The following NALF1 variants were observed in gnomAD, a reference collection of about 807,000 sequenced individuals.
The protein encoded by NALF1 is family with sequence similarity 155 member A.
NALF1 carries 3 observed loss-of-function variants against 48.4 expected under a neutral mutation model. The observed-to-expected ratio is 0.06, with a 90% CI of 0.03 to 0.16. NALF1 has a LOEUF of 0.16. NALF1 is among the 10% of genes least tolerant of loss of function. The pLI, the probability that NALF1 is intolerant of heterozygous loss-of-function variation, is 1.00. For missense variants in NALF1, 526 were observed against 571.5 expected, an observed-to-expected ratio of 0.92 and a Z score of 0.81; for synonymous variants, 262 against 245.7, an observed-to-expected ratio of 1.07 and a Z score of -0.62.
intron 1 of NALF1, among the ~76,000 whole-genome samples, chr13:107,417,581 C>T (rs1002795320): frequency 9.9e-5 from 15 of 152,142 alleles, no homozygotes; most frequent in Non-Finnish European, 8.8e-5. Context: ...GTAACATCTA[C>T]TGGGTGTGTA....
At chr13:107,325,847 C>CATAT (rs1882343295) in intron 1 of NALF1, among the ~76,000 whole-genome samples, 1 of 43,810 alleles carries the variant, frequency 2.3e-5, no homozygotes, top group African/African-American at 9.1e-5. Flanking sequence ...TCTCAACACA[C>CATAT]ACACACACAT....
intron 1 of NALF1, among the ~76,000 whole-genome samples, chr13:107,352,632 A>C (rs1245803351): frequency 1.3e-5 from 2 of 152,132 alleles, no homozygotes; most frequent in Non-Finnish European, 2.9e-5. Flanking sequence ...TCCCATTCAC[A>C]AGAGCTTTAC....
At position 107,514,847 on chromosome 13, in the gene NALF1, A is replaced by G. The variant is rs1164801189; in HGVS notation, c.916-304092T>C. On this transcript the variant is annotated intron_variant, in intron 1 of 2. Transcript: ENST00000375915. Reference sequence around the variant, plus strand: ...ATCATTGCATAGATGACAGGATATTATGGCAAAACAGCAGTCAAGCTAGTA... The same window carrying G: ...ATCATTGCATAGATGACAGGATATTGTGGCAAAACAGCAGTCAAGCTAGTA... 5.9e-5 allele frequency among the ~76,000 whole-genome samples: 9 copies of G among 152,170 alleles called. No individual in the cohort carries two copies. The East Asian group carries it at 1.5e-3, about 26-fold the overall frequency.
At chr13:107,622,079 G>GC (rs1224561693) in intron 1 of NALF1, among the ~76,000 whole-genome samples, 1 of 151,110 alleles carries the variant, frequency 6.6e-6, no homozygotes, top group African/African-American at 2.4e-5. Flanking sequence ...TGCAACCTCT[G>GC]CCCCCCAGTT....
intron 1 of NALF1, among the ~76,000 whole-genome samples, chr13:107,252,843 G>T (rs1421997485): frequency 1.3e-5 from 2 of 152,204 alleles, no homozygotes; most frequent in Non-Finnish European, 2.9e-5. Context: ...TGTATAAGCA[G>T]TTAAAAGCAC....
chr13:107,779,872 G>A (rs1009208865), intron 1 of NALF1, among the ~76,000 whole-genome samples: 6 of 151,998 alleles, frequency 3.9e-5, no homozygotes, highest in Admixed American at 3.9e-4. Flanking sequence ...TTCATGCTTG[G>A]AACCCTGAAC....
chr13:107,821,218 T>C (rs1163121579), intron 1 of NALF1, among the ~76,000 whole-genome samples: 2 of 152,232 alleles, frequency 1.3e-5, no homozygotes, highest in African/African-American at 2.4e-5. Context: ...AGAAAGAGAA[T>C]TGTCTACCTG....
chr13:107,786,911 C>T (rs1402931890), intron 1 of NALF1, among the ~76,000 whole-genome samples: 1 of 152,120 alleles, frequency 6.6e-6, no homozygotes, highest in African/African-American at 2.4e-5. Flanking sequence ...GCGGAGCAAA[C>T]AATGTTGGAA....
chr13:107,841,542 C>T (rs1387686697), intron 1 of NALF1, among the ~76,000 whole-genome samples: 1 of 151,910 alleles, frequency 6.6e-6, no homozygotes, highest in African/African-American at 2.4e-5. Flanking sequence ...GATGTTTACT[C>T]CTGTTTAGTA....
intron 1 of NALF1, among the ~76,000 whole-genome samples, chr13:107,448,102 C>T (rs571857582): frequency 6.6e-6 from 1 of 152,154 alleles, no homozygotes; most frequent in African/African-American, 2.4e-5. Context: ...TTCATTAGCC[C>T]GAGCCCCTGC....
intron 2 of NALF1, among the ~76,000 whole-genome samples, chr13:107,202,179 C>CT (rs1448655947): frequency 1.3e-5 from 2 of 151,870 alleles, no homozygotes; most frequent in Non-Finnish European, 2.9e-5. Context: ...TTCACTCTTT[C>CT]TTTTTTTAAT....
chr13:107,212,192 C>T lies in NALF1; in HGVS notation c.916-1437G>A, dbSNP rs541797304. On this transcript the variant is annotated intron_variant, in intron 1 of 2. Coordinates refer to ENST00000375915, the MANE Select transcript of NALF1 (RefSeq NM_001080396.3). ...CATAACATTAGGTTGATCAAAATGA[C>T]GCTTTATTCTGTGATCAAGGTGACT... 3.3e-5 allele frequency among the ~76,000 whole-genome samples: 5 copies of T among 152,218 alleles called. No homozygotes were observed. In the East Asian group the frequency reaches 5.8e-4, roughly 18 times the overall value.
At chr13:107,207,003 T>C (rs1468195650) in intron 2 of NALF1, among the ~76,000 whole-genome samples, 3 of 152,208 alleles carry the variant, frequency 2.0e-5, no homozygotes, top group Non-Finnish European at 4.4e-5. Context: ...CTTTAATTCT[T>C]AGTGAGAAAT....
In NALF1 at chr13:107,393,832, G is replaced by A. The variant is rs548540036; in HGVS notation, c.916-183077C>T. Among the ~76,000 whole-genome samples the A allele has an allele frequency of 1.8e-3, 275 of 152,118 alleles. 1 individual carries two copies. The highest frequency in any genetic ancestry group is 2.7e-3 in the Non-Finnish European group (185 of 67,994). On this transcript the variant is annotated intron_variant, in intron 1 of 2. Transcript: ENST00000375915. ...ACAATAAAACTCTATATAACTCTAG[G>A]CAGTTTACATAAAAATTGATAAAAA... is the stretch of plus-strand genomic sequence containing the variant.
chr13:107,212,461 T>G (rs1036363776), intron 1 of NALF1, among the ~76,000 whole-genome samples: 2 of 152,074 alleles, frequency 1.3e-5, no homozygotes, highest in African/African-American at 4.8e-5. Flanking sequence ...TTATGCCAAC[T>G]GGGAAACGGA....
chr13:107,511,044 C>T (rs1875871564), intron 1 of NALF1, among the ~76,000 whole-genome samples: 1 of 152,206 alleles, frequency 6.6e-6, no homozygotes, highest in Admixed American at 6.5e-5. Flanking sequence ...CCTAAACCGT[C>T]TGAGTCCTCC....
At chr13:107,778,287 G>A (rs1006744914) in intron 1 of NALF1, among the ~76,000 whole-genome samples, 1 of 152,200 alleles carries the variant, frequency 6.6e-6, no homozygotes, top group Non-Finnish European at 1.5e-5. Context: ...TGTATTTGGA[G>A]CATCATGCTT....
intron 1 of NALF1, among the ~76,000 whole-genome samples, chr13:107,514,812 T>C (rs1876007953): frequency 6.6e-6 from 1 of 152,204 alleles, no homozygotes; most frequent in African/African-American, 2.4e-5. Flanking sequence ...ATCTGCTGGC[T>C]GTAGCCTGAA....
At chr13:107,678,402 T>C (rs1195731003) in intron 1 of NALF1, among the ~76,000 whole-genome samples, 2 of 152,154 alleles carry the variant, frequency 1.3e-5, no homozygotes, top group Non-Finnish European at 2.9e-5. Context: ...GCTTCTGTTT[T>C]TGCAAAATGC....
Sources: allele counts gnomAD v4.1 joint callset (sites outside exome capture counted in the v4.1 genomes callset), GRCh38; gene constraint gnomAD v4.1.1; transcripts MANE v1.5; gene names NCBI Gene and HGNC (gene_info 2026-07-23, HGNC 2026-07-21).